Variants in FGF12 observed in about 807,000 individuals in gnomAD.
FGF12 encodes fibroblast growth factor 12.
A neutral mutation model predicts 23.6 loss-of-function variants in FGF12; 14 were observed. The observed-to-expected ratio is 0.59, with a 90% CI of 0.39 to 0.93. FGF12 has a LOEUF of 0.93. Among genes scored for constraint, FGF12 ranks in the 40% least tolerant of loss-of-function variants. FGF12 has a pLI of 0.00. For missense variants in FGF12, 175 were observed against 217.8 expected, an observed-to-expected ratio of 0.80 and a Z score of 1.24; for synonymous variants, 62 against 77.3, an observed-to-expected ratio of 0.80 and a Z score of 1.04.
intron 4 of FGF12, among the ~76,000 whole-genome samples, chr3:192,224,442 A>C (rs1245755530): frequency 6.6e-6 from 1 of 152,162 alleles, no homozygotes; most frequent in Non-Finnish European, 1.5e-5. Flanking sequence ...AAGTGAAAAG[A>C]CATTTTAGTG....
rs141499968 is a variant in FGF12 at position 192,449,189 on chromosome 3, C to T, written c.14-88651G>A. ...AACAATGGCCTTGAACCCTTTAAGT[C>T]TCTGTTCTTTGCAGCAAACACAATA... On this transcript the variant is annotated intron_variant, in intron 2 of 5. Transcript: ENST00000445105. Among the ~76,000 whole-genome samples the T allele has an allele frequency of 6.1e-3, 923 of 152,286 alleles. 5 individuals are homozygous for T. The highest frequency in any genetic ancestry group is 1.0e-2 in the Non-Finnish European group (680 of 68,026).
chr3:192,158,365 T>C (rs1714591833), intron 5 of FGF12, among the ~76,000 whole-genome samples: 1 of 114,978 alleles, frequency 8.7e-6, no homozygotes, highest in Non-Finnish European at 1.8e-5. Flanking sequence ...TTTCTTTCTT[T>C]CTTTCTTTCT....
intron 5 of FGF12, among the ~76,000 whole-genome samples, chr3:192,146,273 T>TATA (rs72092968): frequency 5.6e-5 from 1 of 18,008 alleles, no homozygotes; most frequent in Non-Finnish European, 2.0e-4. Context: ...AAAGTGTATA[T>TATA]TTTTTTTTTT....
At chr3:192,146,727 C>A (rs953427212) in intron 5 of FGF12, among the ~76,000 whole-genome samples, 4 of 151,996 alleles carry the variant, frequency 2.6e-5, no homozygotes, top group African/African-American at 9.7e-5. Context: ...TAAAATACTT[C>A]ATTTGTGTCA....
chr3:192,437,915 T>C (rs1722077803), intron 2 of FGF12, among the ~76,000 whole-genome samples: 1 of 152,148 alleles, frequency 6.6e-6, no homozygotes, highest in Non-Finnish European at 1.5e-5. Context: ...TCTCCTTCCT[T>C]CTTTTGTCCC....
intron 2 of FGF12, among the ~76,000 whole-genome samples, chr3:192,456,617 A>G (rs1329252768): frequency 6.6e-6 from 1 of 152,344 alleles, no homozygotes; most frequent in Middle Eastern, 3.4e-3. Context: ...AAAAATTTTT[A>G]AAAATAATTT....
At chr3:192,401,781 T>C (rs971975201) in intron 2 of FGF12, among the ~76,000 whole-genome samples, 4 of 152,178 alleles carry the variant, frequency 2.6e-5, no homozygotes, top group African/African-American at 9.7e-5. Context: ...TCTCCCCTTG[T>C]TCTTATTGCT....
intron 2 of FGF12, among the ~76,000 whole-genome samples, chr3:192,381,118 A>C (rs1719795826): frequency 6.6e-6 from 1 of 152,136 alleles, no homozygotes; most frequent in African/African-American, 2.4e-5. Flanking sequence ...AGCCACTTTC[A>C]AGTGCTCAAA....
intron 4 of FGF12, among the ~76,000 whole-genome samples, chr3:192,312,163 T>C (rs1715981241): frequency 6.6e-6 from 1 of 152,302 alleles, no homozygotes; most frequent in East Asian, 1.9e-4. Flanking sequence ...TTTTTAATTA[T>C]GATGAAATTC....
intron 2 of FGF12, among the ~76,000 whole-genome samples, chr3:192,628,485 A>G (rs1349834451): frequency 1.6e-5 from 2 of 127,876 alleles, no homozygotes; most frequent in Non-Finnish European, 3.3e-5. Context: ...ACACACACAC[A>G]CAGACATATA....
At chr3:192,256,152 A>G (rs756628056) in intron 4 of FGF12, among the ~76,000 whole-genome samples, 16 of 152,082 alleles carry the variant, frequency 1.1e-4, no homozygotes, top group Non-Finnish European at 2.4e-4. Context: ...ACTAGCTACA[A>G]TGAGGCAGAG....
At chr3:192,497,559 TC>T (rs1464493875) in intron 2 of FGF12, among the ~76,000 whole-genome samples, 2 of 152,180 alleles carry the variant, frequency 1.3e-5, no homozygotes, top group Non-Finnish European at 2.9e-5. Context: ...CCAAATAATC[TC>T]CTTTCTTACA....
At chr3:192,217,087 A>T (rs1577244985) in intron 4 of FGF12, among the ~76,000 whole-genome samples, 1 of 152,202 alleles carries the variant, frequency 6.6e-6, no homozygotes, top group Admixed American at 6.5e-5. Context: ...AGCCAGATAA[A>T]CCTGGCTTCA....
intron 2 of FGF12, among the ~76,000 whole-genome samples, chr3:192,559,676 A>G (rs1321159594): frequency 6.6e-6 from 1 of 152,048 alleles, no homozygotes; most frequent in Non-Finnish European, 1.5e-5. Context: ...AAGAAAAAAA[A>G]GATGTGTCAA....
At chr3:192,196,943 T>G (rs772031564) in intron 4 of FGF12, among the ~76,000 whole-genome samples, 8 of 152,212 alleles carry the variant, frequency 5.3e-5, no homozygotes, top group Non-Finnish European at 1.0e-4. Context: ...CAGTATCTAC[T>G]TAACAGACTC....
intron 2 of FGF12, among the ~76,000 whole-genome samples, chr3:192,678,217 T>C (rs971883851): frequency 6.6e-6 from 1 of 152,224 alleles, no homozygotes; most frequent in Admixed American, 6.5e-5. Context: ...GTAGGTACTC[T>C]TACTATTCCC....
chr3:192,462,178 A>C (rs759973545), intron 2 of FGF12, among the ~76,000 whole-genome samples: 17 of 152,220 alleles, frequency 1.1e-4, no homozygotes, highest in Non-Finnish European at 2.5e-4. Flanking sequence ...TTCTAATGTC[A>C]ATAAAACAGT....
intron 2 of FGF12, among the ~76,000 whole-genome samples, chr3:192,444,007 T>C (rs1722278819): frequency 6.6e-6 from 1 of 152,170 alleles, no homozygotes; most frequent in South Asian, 2.1e-4. Flanking sequence ...CTCAGGACCA[T>C]GGATTCTCAG....
intron 2 of FGF12, among the ~76,000 whole-genome samples, chr3:192,471,779 C>T (rs533156766): frequency 6.6e-6 from 1 of 152,084 alleles, no homozygotes; most frequent in Non-Finnish European, 1.5e-5. Flanking sequence ...TATTGAGGAC[C>T]GACTGTGGAA....
Sources: gnomAD v4.1 joint callset for allele counts (sites outside exome capture counted in the v4.1 genomes callset) on GRCh38, gnomAD v4.1.1 for gene constraint, MANE v1.5 for transcripts, NCBI Gene and HGNC (gene_info 2026-07-23, HGNC 2026-07-21) for gene names.